SCHIP1: variants seen among roughly 807,000 people sequenced by gnomAD.
SCHIP1 encodes the protein schwannomin-interacting protein 1.
A neutral mutation model predicts 29.7 loss-of-function variants in SCHIP1; 8 were observed. The observed-to-expected ratio is 0.27, with a 90% CI of 0.16 to 0.49. SCHIP1 has a LOEUF of 0.49. Among genes scored for constraint, SCHIP1 ranks in the 20% least tolerant of loss-of-function variants. The pLI, the probability that SCHIP1 is intolerant of heterozygous loss-of-function variation, is 0.99. For synonymous variants in SCHIP1, 76 were observed against 94.9 expected, an observed-to-expected ratio of 0.80 and a Z score of 1.16; for missense variants, 193 against 294.6, an observed-to-expected ratio of 0.66 and a Z score of 2.52.
chr3:159,864,561 A>G (rs950798204), intron 1 of SCHIP1, among the ~76,000 whole-genome samples: 11 of 151,712 alleles, frequency 7.3e-5, no homozygotes, highest in Non-Finnish European at 1.5e-4. Flanking sequence ...ACATGCTAAA[A>G]GGGGGTGCTA....
the SCHIP1 span, among the ~76,000 whole-genome samples, chr3:159,554,520 G>C: frequency 6.6e-6 from 1 of 152,068 alleles, no homozygotes; most frequent in Non-Finnish European, 1.5e-5. Context: ...TTAGTCAATG[G>C]GAGATACTAG....
At chr3:159,695,937 G>A in the SCHIP1 span, among the ~76,000 whole-genome samples, 1 of 152,006 alleles carries the variant, frequency 6.6e-6, no homozygotes, top group African/African-American at 2.4e-5. Context: ...GCCTTATGTA[G>A]GTTCTTATCA....
At chr3:159,353,868 T>A in the SCHIP1 span, among the ~76,000 whole-genome samples, 1 of 152,220 alleles carries the variant, frequency 6.6e-6, no homozygotes, top group African/African-American at 2.4e-5. Context: ...AAATGCAACA[T>A]CAGTTCCATT....
the SCHIP1 span, among the ~76,000 whole-genome samples, chr3:159,516,142 G>T: frequency 6.6e-6 from 1 of 152,032 alleles, no homozygotes; most frequent in African/African-American, 2.4e-5. Context: ...CTCTCAGTGG[G>T]TGATTTCAGG....
At chr3:159,494,272 T>G in the SCHIP1 span, among the ~76,000 whole-genome samples, 19 of 151,662 alleles carry the variant, frequency 1.3e-4, no homozygotes, top group Non-Finnish European at 2.2e-4. Flanking sequence ...CTGAAGGAAA[T>G]AGAGACACAA....
the SCHIP1 span, among the ~76,000 whole-genome samples, chr3:159,409,596 C>A: frequency 6.6e-6 from 1 of 151,722 alleles, no homozygotes; most frequent in East Asian, 1.9e-4. Flanking sequence ...AATATCTTTA[C>A]AATGAAAACT....
At chr3:159,840,125 G>T in exon 1 of SCHIP1, 1 of 1,532,818 alleles carries the variant, frequency 6.5e-7, no homozygotes, top group Non-Finnish European at 8.7e-7. Flanking sequence ...CTCCGCGCCT[G>T]CCCTCCGCAG....
the SCHIP1 span, among the ~76,000 whole-genome samples, chr3:159,464,812 C>G: frequency 6.6e-6 from 1 of 152,286 alleles, no homozygotes; most frequent in East Asian, 1.9e-4. Flanking sequence ...TACATGAGAA[C>G]AGGGCACAGC....
the SCHIP1 span, among the ~76,000 whole-genome samples, chr3:159,442,310 A>G: frequency 6.6e-6 from 1 of 152,132 alleles, no homozygotes. Flanking sequence ...ACCTCCAGAG[A>G]GGCAGGAAAG....
chr3:159,278,923 A>G, the SCHIP1 span, among the ~76,000 whole-genome samples: 44,644 of 152,034 alleles, frequency 0.29, 8,195 homozygotes, highest in Non-Finnish European at 0.42. Flanking sequence ...GGTGGGAGCT[A>G]TGCCATCTTC....
At chr3:159,357,080 A>T in the SCHIP1 span, among the ~76,000 whole-genome samples, 1 of 152,352 alleles carries the variant, frequency 6.6e-6, no homozygotes, top group East Asian at 1.9e-4. Context: ...TTAAGATAAA[A>T]CACCTTAACA....
chr3:159,567,805 C>T, the SCHIP1 span, among the ~76,000 whole-genome samples: 1 of 152,058 alleles, frequency 6.6e-6, no homozygotes, highest in Non-Finnish European at 1.5e-5. Flanking sequence ...ATCCTTTGCT[C>T]CCCTATGACT....
At chr3:159,425,569 T>C in the SCHIP1 span, among the ~76,000 whole-genome samples, 3 of 152,236 alleles carry the variant, frequency 2.0e-5, 1 homozygote, top group Middle Eastern at 6.8e-3. Flanking sequence ...ACAAAGAGAC[T>C]TAGACTCCCA....
chr3:159,765,931 G>T, the SCHIP1 span, among the ~76,000 whole-genome samples: 1 of 152,172 alleles, frequency 6.6e-6, no homozygotes, highest in African/African-American at 2.4e-5. Context: ...GGAAAAGAGG[G>T]AGGGAGGAGA....
chr3:159,656,227 G>A, the SCHIP1 span, among the ~76,000 whole-genome samples: 3 of 152,282 alleles, frequency 2.0e-5, no homozygotes, highest in South Asian at 2.1e-4. Context: ...TCATATACAT[G>A]AACTCAGTAA....
At chr3:159,366,495 T>C in the SCHIP1 span, among the ~76,000 whole-genome samples, 1 of 152,190 alleles carries the variant, frequency 6.6e-6, no homozygotes. Flanking sequence ...CTTTACAAGT[T>C]ACTTAAAACT....
At chr3:159,525,593 A>C in the SCHIP1 span, among the ~76,000 whole-genome samples, 1 of 152,256 alleles carries the variant, frequency 6.6e-6, no homozygotes, top group Non-Finnish European at 1.5e-5. Flanking sequence ...AGCACCATTC[A>C]GCTAAAATTC....
chr3:159,872,383 A>C (rs1418240918), intron 2 of SCHIP1, among the ~76,000 whole-genome samples: 1 of 151,812 alleles, frequency 6.6e-6, no homozygotes, highest in African/African-American at 2.4e-5. Flanking sequence ...CCCCCATCCT[A>C]ATTGCCCCTT....
At chr3:159,817,838 G>A in the SCHIP1 span, among the ~76,000 whole-genome samples, 6 of 152,154 alleles carry the variant, frequency 3.9e-5, no homozygotes, top group Non-Finnish European at 5.9e-5. Context: ...TGGTTTGAAC[G>A]GCCTTGGGAA....
Sources: allele counts gnomAD v4.1 joint callset (sites outside exome capture counted in the v4.1 genomes callset), GRCh38; gene constraint gnomAD v4.1.1; transcripts MANE v1.5; gene names NCBI Gene and HGNC (gene_info 2026-07-23, HGNC 2026-07-21).